The following FGD1 variants were observed in gnomAD, a reference collection of about 807,000 sequenced individuals.
The protein encoded by FGD1 is FYVE, RhoGEF and PH domain-containing protein 1.
Under a neutral mutation model 65.0 loss-of-function variants are expected in FGD1, and 12 were observed. That is an observed-to-expected ratio of 0.18 (90% CI 0.12 to 0.30). The LOEUF (loss-of-function observed/expected upper bound fraction) is 0.30, where lower values mean the gene tolerates loss of function less well. FGD1 is among the 10% of genes least tolerant of loss of function. The pLI is 1.00. For missense variants in FGD1, 542 were observed against 837.6 expected (o/e 0.65, Z 4.36); for synonymous variants, 333 against 343.9 (o/e 0.97, Z 0.35).
Position 54,495,453 on chromosome X carries a change from GCCCGAGCT to G in FGD1, c.-29_-22del. ...TGCATGGTCCGGGCCTGGGCGCGGG[GCCCGAGCT>G]CCCCGCTTGGCTCCAGCTCCTGGGG... On this transcript the variant is annotated 5_prime_UTR_variant, in exon 1 of 18. Coordinates refer to ENST00000375135, the MANE Select transcript of FGD1 (RefSeq NM_004463.3). 1 of 955,627 alleles carries G rather than the reference GCCCGAGCT, an allele frequency of 1.0e-6. No homozygotes were observed. The highest frequency in any genetic ancestry group is 1.3e-6 in the Non-Finnish European group (1 of 766,692). The allele number at this position is 955,627 out of a possible 1,213,427, so 78.8% of individuals were successfully genotyped here.
At chrX:54,468,259 G>T (rs181377129) in intron 5 of FGD1, among the ~76,000 whole-genome samples, 1 of 111,616 alleles carries the variant, frequency 9.0e-6, no homozygotes, top group African/African-American at 3.3e-5. Context: ...CAAGAGTTAG[G>T]CTTTGGAACA....
intron 8 of FGD1, 124 bp from the exon 9 acceptor site, chrX:54,456,691 G>T (rs183122767): frequency 9.5e-6 from 5 of 526,170 alleles, no homozygotes; most frequent in Non-Finnish European, 1.5e-5. Context: ...GGAGTGCAGC[G>T]GCATGATCAC....
chrX:54,471,007 CAAAAAA>C (rs58297795), intron 2 of FGD1, among the ~76,000 whole-genome samples: 1 of 46,405 alleles, frequency 2.2e-5, no homozygotes. Flanking sequence ...GATTCTGTCT[CAAAAAA>C]AAAAAAAAAA....
At chrX:54,454,479 G>A (rs969854236) in intron 12 of FGD1, among the ~76,000 whole-genome samples, 1 of 110,116 alleles carries the variant, frequency 9.1e-6, no homozygotes, top group Non-Finnish European at 1.9e-5. Context: ...GTGAAACCCT[G>A]TCTCTACTAA....
At chrX:54,480,364 G>A (rs1199389474) in intron 1 of FGD1, among the ~76,000 whole-genome samples, 1 of 111,989 alleles carries the variant, frequency 8.9e-6, no homozygotes, top group Non-Finnish European at 1.9e-5. Context: ...TGACAAAACA[G>A]AAGACTGTTA....
intron 8 of FGD1, among the ~76,000 whole-genome samples, chrX:54,464,260 A>G (rs899717225): frequency 3.7e-5 from 4 of 107,443 alleles, no homozygotes; most frequent in Non-Finnish European, 7.7e-5. Context: ...CAGCCTCCCA[A>G]GTAGCTGGGA....
In FGD1 at chrX:54,470,073, C is replaced by CTCCTCCTCCTCGTCG. The variant is rs1922847000; in HGVS notation, c.1029_1043dup (p.Asp343_Glu347dup). The CTCCTCCTCCTCGTCG allele has an allele frequency of 8.3e-7, 1 of 1,206,335 alleles. No homozygotes were observed. Among genetic ancestry groups the CTCCTCCTCCTCGTCG allele is most frequent in the Non-Finnish European group, 1.1e-6 (1 of 891,649 alleles). ...CTGGGATTTCTCTGTCCTTCTCTTC[C>CTCCTCCTCCTCGTCG]TCCTCCTCCTCGTCGTCCTCCTCCT... On this transcript the variant is annotated inframe_insertion, in exon 4 of 18. Coordinates refer to ENST00000375135, the MANE Select transcript of FGD1 (RefSeq NM_004463.3).
At chrX:54,462,947 T>G (rs1922673255) in intron 8 of FGD1, among the ~76,000 whole-genome samples, 1 of 109,346 alleles carries the variant, frequency 9.1e-6, no homozygotes, top group Non-Finnish European at 1.9e-5. Flanking sequence ...GTATTTTCAG[T>G]ACAGACAGGG....
intron 12 of FGD1, among the ~76,000 whole-genome samples, chrX:54,451,616 T>A (rs1922379103): frequency 9.3e-6 from 1 of 107,505 alleles, no homozygotes; most frequent in African/African-American, 3.4e-5. Context: ...AAAAATTATT[T>A]TATTGGCCAG....
At position 54,445,887 on chromosome X, in the gene FGD1, A is replaced by G; in HGVS notation, c.*222T>C. ...AACGGCTCCCACCCTCCCTGGGGAC[A>G]GGGATTAATAAAAATTGACATCACT... On this transcript the variant is annotated 3_prime_UTR_variant, in exon 18 of 18. Transcript: ENST00000375135. 2.4e-6 allele frequency: 1 copy of G among 409,223 alleles called. No individual in the cohort carries two copies. Among genetic ancestry groups the G allele is most frequent in the Non-Finnish European group, 4.2e-6 (1 of 236,564 alleles). The allele number at this position is 409,223 out of a possible 1,213,427, so 33.7% of individuals were successfully genotyped here.
At chrX:54,459,732 C>G (rs187998615) in intron 8 of FGD1, among the ~76,000 whole-genome samples, 1 of 110,317 alleles carries the variant, frequency 9.1e-6, no homozygotes, top group African/African-American at 3.3e-5. Context: ...AAAACCAGAC[C>G]GGTAAGTTGT....
intron 1 of FGD1, among the ~76,000 whole-genome samples, chrX:54,480,564 C>A: frequency 9.0e-6 from 1 of 111,195 alleles, no homozygotes; most frequent in Admixed American, 9.6e-5. Flanking sequence ...AGCAGCTTCT[C>A]CCCTCCACCC....
At position 54,494,427 on chromosome X, in the gene FGD1, TC is replaced by T. The variant is rs1479653789; in HGVS notation, c.307+698del. Among the ~76,000 whole-genome samples the T allele has an allele frequency of 4.9e-3, 447 of 90,943 alleles. 4 individuals are homozygous for T. Among genetic ancestry groups the T allele is most frequent in the African/African-American group, 0.021 (423 of 19,861 alleles). The allele number at this position is 90,943 out of a possible 115,157, so 79.0% of individuals were successfully genotyped here. A position where few individuals can be genotyped will look rare whatever the true frequency, so the allele number is the denominator to read the frequency against. On this transcript the variant is annotated intron_variant, in intron 1 of 17. Coordinates refer to ENST00000375135, the MANE Select transcript of FGD1 (RefSeq NM_004463.3). ...CTTTTTTTTTTTTTTTTTTTTTTTT[TC>T]CGCTCATACTCCAGGGCTGCTGAAT... is the stretch of plus-strand genomic sequence containing the variant.
At chrX:54,455,641 A>G (rs1345222050) in intron 11 of FGD1, 51 bp downstream of exon 11, 3 of 1,118,047 alleles carry the variant, frequency 2.7e-6, no homozygotes, top group African/African-American at 3.6e-5. Flanking sequence ...TGTTCCTCCC[A>G]ACACCAATGC....
chrX:54,474,498 C>T (rs1393128668), intron 1 of FGD1, among the ~76,000 whole-genome samples: 2 of 112,749 alleles, frequency 1.8e-5, no homozygotes, highest in African/African-American at 6.4e-5. Flanking sequence ...CCCCAGGCCC[C>T]AGGCCGAGCG....
chrX:54,447,253 A>G (rs1482035215), intron 17 of FGD1, 58 bp downstream of exon 17: 12 of 1,169,930 alleles, frequency 1.0e-5, no homozygotes, highest in Non-Finnish European at 1.4e-5. Flanking sequence ...GGAGAGGTCA[A>G]GGACTGGATC....
chrX:54,457,802 C>T (rs1396549115), intron 8 of FGD1, among the ~76,000 whole-genome samples: 3 of 107,402 alleles, frequency 2.8e-5, no homozygotes, highest in Non-Finnish European at 3.8e-5. Context: ...CCTATAGTGA[C>T]CAGGTATCAT....
intron 1 of FGD1, among the ~76,000 whole-genome samples, chrX:54,479,780 C>CAAA (rs61712565): frequency 7.9e-5 from 2 of 25,353 alleles, no homozygotes; most frequent in Non-Finnish European, 1.9e-4. Flanking sequence ...CTCCGCTTGA[C>CAAA]AAAAAAAAAA....
At chrX:54,485,987 A>C (rs1349884377) in intron 1 of FGD1, among the ~76,000 whole-genome samples, 6 of 110,232 alleles carry the variant, frequency 5.4e-5, no homozygotes, top group Non-Finnish European at 1.9e-5. Flanking sequence ...GTTGGCCAGG[A>C]TGGTCTCAAT....
Sources: allele counts gnomAD v4.1 joint callset (sites outside exome capture counted in the v4.1 genomes callset), GRCh38; gene constraint gnomAD v4.1.1; transcripts MANE v1.5; gene names NCBI Gene and HGNC (gene_info 2026-07-23, HGNC 2026-07-21).